MORN3: variants seen among roughly 807,000 people sequenced by gnomAD.
The protein encoded by MORN3 is MORN repeat containing 3.
In MORN3, 38 loss-of-function variants were observed where a neutral mutation model predicts 34.7. The observed-to-expected ratio is 1.10, with a 90% confidence interval of 0.85 to 1.44. The LOEUF (loss-of-function observed/expected upper bound fraction) is 1.44, where lower values mean the gene tolerates loss of function less well. Among genes scored for constraint, MORN3 ranks in the 40% most tolerant of loss-of-function variants. The pLI, the probability that MORN3 is intolerant of heterozygous loss-of-function variation, is 0.00. For synonymous variants in MORN3, 109 were observed against 115.3 expected, an observed-to-expected ratio of 0.95 and a Z score of 0.35; for missense variants, 311 against 321.7, an observed-to-expected ratio of 0.97 and a Z score of 0.25.
At chr12:121,664,440 A>C (rs1365108295) in intron 1 of MORN3, among the ~76,000 whole-genome samples, 2 of 152,196 alleles carry the variant, frequency 1.3e-5, no homozygotes, top group Admixed American at 1.3e-4. Context: ...AGGGAACTGC[A>C]TGAGTAAAGG....
upstream of MORN3, among the ~76,000 whole-genome samples, chr12:121,670,904 A>G (rs1201072260): frequency 6.6e-6 from 1 of 151,702 alleles, no homozygotes; most frequent in African/African-American, 2.4e-5. Flanking sequence ...CGAGGTCAGG[A>G]GTTCAACACC....
rs1555325467 is a variant in MORN3, at chr12:121,654,337, C to G, written c.400G>C (p.Gly134Arg). ...TCCCACTGTCCCTCGTAGATGTCGC[C>G]GTTGCTGTAATACATGCGGCCCCAC... ...SGWGRMYYSN[G>R]DIYEGQWEND... The change falls in exon 3 of 6, where the codon GGC becomes CGC. Residue 134 changes from glycine (G) to arginine (R), a missense_variant. Transcript: ENST00000355329. 1.2e-6 allele frequency: 2 copies of G among 1,603,168 alleles called. No homozygotes were observed. Among genetic ancestry groups the G allele is most frequent in the Non-Finnish European group, 1.7e-6 (2 of 1,175,518 alleles).
upstream of MORN3, among the ~76,000 whole-genome samples, chr12:121,672,105 C>T (rs2720022): frequency 0.51 from 77,839 of 151,918 alleles, 21,269 homozygotes; most frequent in African/African-American, 0.71. Context: ...GGCTGTAGTC[C>T]TAACACCTGA....
At chr12:121,664,433 G>A (rs1893679036) in intron 1 of MORN3, among the ~76,000 whole-genome samples, 1 of 152,190 alleles carries the variant, frequency 6.6e-6, no homozygotes, top group East Asian at 1.9e-4. Context: ...CAGGCACAGG[G>A]AACTGCATGA....
chr12:121,658,682 C>T (rs1321361885), intron 2 of MORN3, among the ~76,000 whole-genome samples: 1 of 151,994 alleles, frequency 6.6e-6, no homozygotes, highest in Non-Finnish European at 1.5e-5. Context: ...AGGATTCCTC[C>T]ACACTTGTGG....
chr12:121,670,494 T>TA (rs1893925882), upstream of MORN3, among the ~76,000 whole-genome samples: 1 of 152,120 alleles, frequency 6.6e-6, no homozygotes, highest in African/African-American at 2.4e-5. Context: ...TAACTCACTT[T>TA]AAAAAAATCA....
intron 2 of MORN3, 22 bp from the exon 3 acceptor site, chr12:121,654,455 T>C (rs782440833): frequency 1.3e-6 from 2 of 1,554,618 alleles, no homozygotes; most frequent in Non-Finnish European, 1.7e-6. Context: ...AAGATGCTAC[T>C]ACTCAGGGCG....
chr12:121,669,370 A>G lies in MORN3; in HGVS notation c.114T>C (p.Tyr38=), dbSNP rs139154221. The change falls in exon 1 of 6, where the codon TAT becomes TAC. Residue 38 remains tyrosine (Y), a synonymous_variant. Transcript: ENST00000355329. ...TCACGTTGTCCTTCCACTCGCCCAC[A>G]TAGTAGTCGCCATTCACAGCGTATA... ...SQVYAVNGDY[Y]VGEWKDNVKH... is the part of the protein sequence containing the mutation. 165 of 1,613,662 alleles carry G rather than the reference A, an allele frequency of 1.0e-4. No homozygotes were observed. Among genetic ancestry groups the G allele is most frequent in the Non-Finnish European group, 1.3e-4 (156 of 1,179,850 alleles).
At chr12:121,661,030 G>A (rs755951780) in intron 1 of MORN3, among the ~76,000 whole-genome samples, 13 of 151,818 alleles carry the variant, frequency 8.6e-5, no homozygotes, top group Admixed American at 2.0e-4. Flanking sequence ...TACACAGCTC[G>A]CTGCAGCCTC....
chr12:121,656,764 AC>A (rs1893430685), intron 2 of MORN3, among the ~76,000 whole-genome samples: 1 of 151,962 alleles, frequency 6.6e-6, no homozygotes, highest in Non-Finnish European at 1.5e-5. Flanking sequence ...CAAGTGATAC[AC>A]CCCTGTCTGC....
chr12:121,668,204 G>T (rs75698448), intron 1 of MORN3, among the ~76,000 whole-genome samples: 1,766 of 151,674 alleles, frequency 0.012, 35 homozygotes, highest in African/African-American at 0.041. Flanking sequence ...TTATTTGACT[G>T]CAAAGCACTT....
chr12:121,659,171 C>CA lies in MORN3; in HGVS notation c.303+19_303+20insT. ...CACACACACACACACACACACACCC[C>CA]GGCTGGCAGGCCTGCTCACCGATTT... On this transcript the variant is annotated intron_variant, in intron 2 of 5. Coordinates refer to ENST00000355329, the MANE Select transcript of MORN3 (RefSeq NM_173855.5). 6.3e-7 allele frequency: 1 copy of CA among 1,578,048 alleles called. No homozygotes were observed. The highest frequency in any genetic ancestry group is 1.1e-5 in the South Asian group (1 of 89,622).
chr12:121,662,912 G>A (rs944807273), intron 1 of MORN3, among the ~76,000 whole-genome samples: 5 of 151,970 alleles, frequency 3.3e-5, no homozygotes, highest in East Asian at 1.9e-4. Context: ...ATTTGAACCC[G>A]GGTGGCAGAG....
intron 1 of MORN3, among the ~76,000 whole-genome samples, chr12:121,668,796 C>A (rs769717713): frequency 2.0e-4 from 31 of 152,130 alleles, no homozygotes; most frequent in Admixed American, 1.4e-3. Flanking sequence ...AATAAAAGCT[C>A]TTTTTTCTTT....
chr12:121,669,390 C>A lies in MORN3; in HGVS notation c.94G>T (p.Ala32Ser), dbSNP rs915283655. Reference sequence around the variant, plus strand: ...CCCACATAGTAGTCGCCATTCACAGCGTATACCTGGCTCCGCAGGCCGTTC... The same window carrying A: ...CCCACATAGTAGTCGCCATTCACAGAGTATACCTGGCTCCGCAGGCCGTTC... ...QRNGLRSQVY[A>S]VNGDYYVGEW... Residue 32 changes from alanine (A) to serine (S), a missense_variant, in exon 1 of 6, where the codon GCT becomes TCT. Ala to Ser is a moderately conservative substitution (Grantham distance 99). Coordinates refer to ENST00000355329, the MANE Select transcript of MORN3 (RefSeq NM_173855.5). 3 of 1,613,946 alleles carry A rather than the reference C, an allele frequency of 1.9e-6. No homozygotes were observed. Among genetic ancestry groups the A allele is most frequent in the African/African-American group, 1.3e-5 (1 of 74,932 alleles).
At chr12:121,658,666 ATGGTGAGGATTCCT>A (rs1893485715) in intron 2 of MORN3, among the ~76,000 whole-genome samples, 1 of 151,372 alleles carries the variant, frequency 6.6e-6, no homozygotes, top group African/African-American at 2.4e-5. Flanking sequence ...TCTGGGACTG[ATGGTGAGGATTCCT>A]CCACACTTGT....
Position 121,653,188 on chromosome 12 carries a change from C to G in MORN3, c.535G>C (p.Asp179His). 1 of 1,614,140 alleles carries G rather than the reference C, an allele frequency of 6.2e-7. No homozygotes were observed. Among genetic ancestry groups the G allele is most frequent in the Non-Finnish European group, 8.5e-7 (1 of 1,180,026 alleles). The change falls in exon 4 of 6, where the codon GAC becomes CAC. Residue 179 changes from aspartate to histidine, a missense_variant. Physicochemically the swap from Asp to His is moderately conservative, Grantham distance 81 (BLOSUM62 -1). Coordinates refer to ENST00000355329, the MANE Select transcript of MORN3 (RefSeq NM_173855.5). ...AAGCCTTCAAACAGCTGGCCGTGGT[C>G]CAGATGGAAGAAACGCCCCGCCCCG... is the stretch of plus-strand genomic sequence containing the variant. ...KNGAGRFFHLDHGQLFEGFWV... is the reference protein window; with the variant it reads ...KNGAGRFFHLHHGQLFEGFWV...
In MORN3 at chr12:121,649,852, G is replaced by GTGC. The variant is rs1263544377; in HGVS notation, c.*1796_*1798dup. On this transcript the variant is annotated 3_prime_UTR_variant, in exon 6 of 6. Transcript: ENST00000355329. ...GCCTCCCAAGTAGTTGGGATTACAG[G>GTGC]TGCTGAATTCTTTTTTTTTTTTTTT... is the stretch of plus-strand genomic sequence containing the variant. 6.7e-6 allele frequency: 1 copy of GTGC among 149,142 alleles called. No homozygotes were observed. Among genetic ancestry groups the GTGC allele is most frequent in the Non-Finnish European group, 1.5e-5 (1 of 67,684 alleles). The allele number at this position is 149,142 out of a possible 1,614,324, so 9.2% of individuals were successfully genotyped here.
At chr12:121,667,160 C>T (rs1273249612) in intron 1 of MORN3, among the ~76,000 whole-genome samples, 1 of 151,828 alleles carries the variant, frequency 6.6e-6, no homozygotes, top group African/African-American at 2.4e-5. Flanking sequence ...CGGAGTTTCA[C>T]CATGTTGGCT....
Sources: allele counts gnomAD v4.1 joint callset (sites outside exome capture counted in the v4.1 genomes callset), GRCh38; gene constraint gnomAD v4.1.1; transcripts MANE v1.5; gene names NCBI Gene and HGNC (gene_info 2026-07-23, HGNC 2026-07-21).